Variants in CCDC146 observed in about 807,000 individuals in gnomAD.
CCDC146 encodes coiled-coil domain-containing protein 146.
CCDC146 carries 92 observed loss-of-function variants against 119.3 expected under a neutral mutation model. The ratio of observed to expected loss-of-function variants is 0.77; its 90% confidence interval spans 0.65 to 0.92. CCDC146 has a LOEUF of 0.92. Among genes scored for constraint, CCDC146 ranks in the 40% least tolerant of loss-of-function variants. The probability of loss-of-function intolerance (pLI) is 0.00; values close to 1 mark genes in which losing one functional copy is unlikely to be tolerated. For missense variants in CCDC146, 1,000 were observed against 1,103.0 expected, an observed-to-expected ratio of 0.91 and a Z score of 1.32; for synonymous variants, 372 against 371.8, an observed-to-expected ratio of 1.00 and a Z score of -0.01.
At chr7:77,198,371 A>G in intron 2 of CCDC146, 1 of 962,390 alleles carries the variant, frequency 1.0e-6, no homozygotes, top group Non-Finnish European at 1.2e-6. Flanking sequence ...GACAGTCAGC[A>G]ACAGTGGTCC....
At chr7:77,247,196 TAA>T (rs1792967948) in intron 4 of CCDC146, among the ~76,000 whole-genome samples, 8 of 152,140 alleles carry the variant, frequency 5.3e-5, no homozygotes, top group Non-Finnish European at 1.0e-4. Context: ...CAGTATTTCC[TAA>T]TAAAAAAAGA....
intron 2 of CCDC146, among the ~76,000 whole-genome samples, chr7:77,174,677 A>C (rs532036042): frequency 2.6e-4 from 40 of 152,144 alleles, no homozygotes; most frequent in Non-Finnish European, 5.7e-4. Flanking sequence ...CTAGTCCTCA[A>C]TTTGGTGTGA....
chr7:77,294,499 T>TGTGTGTG (rs1256928699), intron 18 of CCDC146, among the ~76,000 whole-genome samples, 164 bp from the exon 19 acceptor site: 1 of 150,316 alleles, frequency 6.7e-6, no homozygotes, highest in Admixed American at 6.7e-5. Context: ...TGTGTGTGTG[T>TGTGTGTG]GTGTGTGGTG....
intron 17 of CCDC146, among the ~76,000 whole-genome samples, chr7:77,290,499 A>G (rs1793925519): frequency 6.6e-6 from 1 of 152,262 alleles, no homozygotes; most frequent in South Asian, 2.1e-4. Context: ...TTAAAGAAAC[A>G]TAAGACATGC....
chr7:77,291,023 T>TG (rs942041965), intron 17 of CCDC146, among the ~76,000 whole-genome samples: 6 of 152,150 alleles, frequency 3.9e-5, no homozygotes, highest in East Asian at 1.9e-4. Flanking sequence ...AACTTTAATT[T>TG]GGGGGGGTGC....
intron 6 of CCDC146, among the ~76,000 whole-genome samples, chr7:77,258,354 G>A (rs932485453): frequency 1.3e-5 from 2 of 152,144 alleles, no homozygotes. Context: ...TGAGGGATGG[G>A]TGGGCAGACG....
chr7:77,239,104 A>G (rs1792795257), intron 3 of CCDC146, among the ~76,000 whole-genome samples: 1 of 152,144 alleles, frequency 6.6e-6, no homozygotes, highest in African/African-American at 2.4e-5. Context: ...ATGTTATAAG[A>G]GTTGTTAAAG....
chr7:77,123,307 A>G (rs71555953), intron 1 of CCDC146, among the ~76,000 whole-genome samples: 7 of 150,890 alleles, frequency 4.6e-5, no homozygotes, highest in African/African-American at 1.5e-4. Context: ...CAAGGGTCAG[A>G]TTATTTTCCT....
chr7:77,276,147 A>G (rs1466927907), intron 11 of CCDC146, among the ~76,000 whole-genome samples: 2 of 147,198 alleles, frequency 1.4e-5, no homozygotes, highest in Non-Finnish European at 3.0e-5. Context: ...TGGAGGTTGT[A>G]GTGAGCCAAA....
At chr7:77,271,568 A>T in intron 9 of CCDC146, among the ~76,000 whole-genome samples, 1 of 78,050 alleles carries the variant, frequency 1.3e-5, no homozygotes, top group East Asian at 3.3e-4. Flanking sequence ...ATATATATAT[A>T]TGGAGATACA....
chr7:77,204,264 ATATT>A (rs1036095090), intron 2 of CCDC146, among the ~76,000 whole-genome samples: 2 of 152,194 alleles, frequency 1.3e-5, no homozygotes, highest in African/African-American at 4.8e-5. Flanking sequence ...TCGACAGTAA[ATATT>A]TATTTTAATA....
chr7:77,201,431 G>A (rs185817928), intron 2 of CCDC146, among the ~76,000 whole-genome samples: 4 of 151,572 alleles, frequency 2.6e-5, no homozygotes, highest in Admixed American at 2.6e-4. Flanking sequence ...GCGTGTGCCT[G>A]TAATCCCAGC....
chr7:77,276,318 T>C (rs1403148106), intron 11 of CCDC146, among the ~76,000 whole-genome samples: 1 of 152,146 alleles, frequency 6.6e-6, no homozygotes. Context: ...AGAATGGTAT[T>C]TCTTCTCATT....
chr7:77,137,133 A>G (rs1422004723), intron 1 of CCDC146, among the ~76,000 whole-genome samples: 1 of 152,118 alleles, frequency 6.6e-6, no homozygotes, highest in Non-Finnish European at 1.5e-5. Flanking sequence ...ATATCTATAT[A>G]AAACCTGTAG....
At chr7:77,155,425 G>T (rs1178889672) in intron 1 of CCDC146, among the ~76,000 whole-genome samples, 1 of 152,078 alleles carries the variant, frequency 6.6e-6, no homozygotes, top group Non-Finnish European at 1.5e-5. Context: ...GTCAAATTGT[G>T]TCAGCCTGCC....
At chr7:77,256,299 C>G in intron 5 of CCDC146, 34 bp from the exon 6 acceptor site, 1 of 1,502,770 alleles carries the variant, frequency 6.7e-7, no homozygotes, top group Non-Finnish European at 9.0e-7. Context: ...TTTGCTCAGA[C>G]TATATAACCT....
chr7:77,276,126 A>G (rs553555580), intron 11 of CCDC146, among the ~76,000 whole-genome samples: 2 of 150,800 alleles, frequency 1.3e-5, no homozygotes, highest in East Asian at 3.9e-4. Context: ...GAATCGTTTG[A>G]ACCTAGGAGG....
chr7:77,276,914 T>A (rs1036550745), intron 11 of CCDC146, among the ~76,000 whole-genome samples: 12 of 151,974 alleles, frequency 7.9e-5, no homozygotes, highest in African/African-American at 2.9e-4. Context: ...CTACTAAAAG[T>A]ACAAAAAATT....
At chr7:77,261,668 G>A (rs369796954) in intron 8 of CCDC146, among the ~76,000 whole-genome samples, 8 of 151,842 alleles carry the variant, frequency 5.3e-5, no homozygotes, top group Admixed American at 2.0e-4. Flanking sequence ...TAGTAGAGAC[G>A]GGGTTTCACC....
Sources: gnomAD v4.1 joint callset for allele counts (sites outside exome capture counted in the v4.1 genomes callset) on GRCh38, gnomAD v4.1.1 for gene constraint, MANE v1.5 for transcripts, NCBI Gene and HGNC (gene_info 2026-07-23, HGNC 2026-07-21) for gene names.